WWOX: variants seen among roughly 807,000 people sequenced by gnomAD.
The protein encoded by WWOX is WW domain-containing oxidoreductase.
In WWOX, 69 loss-of-function variants were observed where a neutral mutation model predicts 46.2. That is an observed-to-expected ratio of 1.49 (90% confidence interval 1.23 to 1.82). The LOEUF is 1.82. WWOX is among the 40% of genes most tolerant of loss of function. The pLI is 0.00. For synonymous variants in WWOX, 359 were observed against 202.6 expected (o/e 1.77, Z -6.56); for missense variants, 919 against 542.6 (o/e 1.69, Z -6.89).
intron 8 of WWOX, among the ~76,000 whole-genome samples, chr16:78,795,765 A>C (rs1259654733): frequency 2.0e-5 from 3 of 152,146 alleles, no homozygotes; most frequent in Non-Finnish European, 2.9e-5. Context: ...AAATGGGGAC[A>C]ATACTGACAT....
At chr16:78,342,026 G>C (rs34396583) in intron 5 of WWOX, among the ~76,000 whole-genome samples, 26,840 of 119,680 alleles carry the variant, frequency 0.22, 8,553 homozygotes, top group African/African-American at 0.37. Context: ...TGAGGCAGCA[G>C]AATGGCTTGA....
At chr16:78,256,845 A>G (rs975888084) in intron 5 of WWOX, among the ~76,000 whole-genome samples, 2 of 152,032 alleles carry the variant, frequency 1.3e-5, no homozygotes, top group Non-Finnish European at 2.9e-5. Flanking sequence ...AGAAGTCTCT[A>G]TCATTTCGTA....
intron 8 of WWOX, among the ~76,000 whole-genome samples, chr16:78,865,194 A>G (rs542205208): frequency 6.6e-6 from 1 of 152,304 alleles, no homozygotes; most frequent in South Asian, 2.1e-4. Context: ...TGCGATGGAT[A>G]TGTTTAAGAG....
intron 4 of WWOX, among the ~76,000 whole-genome samples, chr16:78,149,328 A>G (rs1206316574): frequency 1.3e-5 from 2 of 152,220 alleles, no homozygotes; most frequent in South Asian, 2.1e-4. Flanking sequence ...ATTGTAAACT[A>G]TTGATGTTGG....
intron 8 of WWOX, among the ~76,000 whole-genome samples, chr16:79,014,739 A>G (rs1433432489): frequency 2.6e-5 from 4 of 152,218 alleles, no homozygotes; most frequent in African/African-American, 9.6e-5. Flanking sequence ...TCTGGAGTGT[A>G]CACAACTAGT....
At chr16:78,658,582 G>C (rs1293644112) in intron 8 of WWOX, among the ~76,000 whole-genome samples, 1 of 152,178 alleles carries the variant, frequency 6.6e-6, no homozygotes, top group Non-Finnish European at 1.5e-5. Context: ...CTCTCCTCCA[G>C]CCTCTGGTGG....
intron 7 of WWOX, among the ~76,000 whole-genome samples, chr16:78,427,714 G>A (rs1047531026): frequency 6.6e-6 from 1 of 152,102 alleles, no homozygotes; most frequent in Non-Finnish European, 1.5e-5. Context: ...GGAGTTTGAG[G>A]TTGCGGTAAG....
Position 78,512,464 on chromosome 16 carries a change from A to G in WWOX, c.1056+79712A>G, listed in dbSNP as rs146126491. ...TTGAGTAGAATTAAACGTGTTCACC[A>G]AAACCCATTTTATCACTTTAAATTA... On this transcript the variant is annotated intron_variant, in intron 8 of 8. Coordinates refer to ENST00000566780, the MANE Select transcript of WWOX (RefSeq NM_016373.4). Among the ~76,000 whole-genome samples the G allele has an allele frequency of 6.3e-3, 965 of 152,340 alleles. 39 individuals are homozygous for G. The highest frequency in any genetic ancestry group is 0.042 in the Admixed American group (650 of 15,308).
At chr16:78,908,047 C>T (rs575548611) in intron 8 of WWOX, among the ~76,000 whole-genome samples, 1 of 152,126 alleles carries the variant, frequency 6.6e-6, no homozygotes, top group Non-Finnish European at 1.5e-5. Flanking sequence ...GGCATACTAA[C>T]CGTATGAAAG....
intron 8 of WWOX, among the ~76,000 whole-genome samples, chr16:78,885,168 C>CA (rs1555558889): frequency 1.4e-5 from 2 of 146,510 alleles, no homozygotes; most frequent in Admixed American, 1.4e-4. Context: ...CTCATGGTTG[C>CA]GGGGGACTAC....
At chr16:78,149,067 C>A (rs1242958765) in intron 4 of WWOX, among the ~76,000 whole-genome samples, 1 of 152,074 alleles carries the variant, frequency 6.6e-6, no homozygotes, top group Non-Finnish European at 1.5e-5. Flanking sequence ...TCGTAGCTCA[C>A]TGTAACCTCG....
intron 8 of WWOX, among the ~76,000 whole-genome samples, chr16:78,961,503 G>A (rs1462645522): frequency 6.6e-6 from 1 of 151,950 alleles, no homozygotes; most frequent in African/African-American, 2.4e-5. Flanking sequence ...ATGGATGCGT[G>A]GGTGTGTGGA....
chr16:78,175,934 C>G lies in WWOX; in HGVS notation c.516+11645C>G, dbSNP rs147356820. Among the ~76,000 whole-genome samples, 122 of 152,228 alleles carry G rather than the reference C, an allele frequency of 8.0e-4. 2 individuals are homozygous for G. The highest frequency in any genetic ancestry group is 2.8e-3 in the African/African-American group (116 of 41,524). The stretch of plus-strand genomic sequence containing the variant: ...GGAAGCTCCACTGTGTGCAAGGAAT[C>G]CTAAGTTCCCGGGGTTGCATCCATC... On this transcript the variant is annotated intron_variant, in intron 5 of 8. Coordinates refer to ENST00000566780, the MANE Select transcript of WWOX (RefSeq NM_016373.4).
chr16:78,956,086 G>A (rs1406765079), intron 8 of WWOX, among the ~76,000 whole-genome samples: 1 of 151,858 alleles, frequency 6.6e-6, no homozygotes, highest in Non-Finnish European at 1.5e-5. Flanking sequence ...GTATACCTCC[G>A]GCAGAGCCCT....
At chr16:78,599,932 T>A (rs2045581183) in intron 8 of WWOX, among the ~76,000 whole-genome samples, 1 of 152,128 alleles carries the variant, frequency 6.6e-6, no homozygotes, top group Non-Finnish European at 1.5e-5. Flanking sequence ...TTAGTCTGTT[T>A]CCTTGCTGTT....
intron 5 of WWOX, among the ~76,000 whole-genome samples, chr16:78,211,465 G>C (rs1315322497): frequency 6.6e-6 from 1 of 152,258 alleles, no homozygotes; most frequent in East Asian, 1.9e-4. Flanking sequence ...GAGTGTATGA[G>C]TGCAAGAGAG....
At position 79,211,748 on chromosome 16, in the gene WWOX, G is replaced by C; in HGVS notation, c.1197G>C (p.Ala399=). ...QSEETARTLW[A]LSERLIQERL... is the part of the protein sequence containing the mutation. ...AAGAGACGGCCCGGACCCTGTGGGC[G>C]CTCAGCGAGAGGCTGATCCAAGAAC... Residue 399 remains alanine, a synonymous_variant, in exon 9 of 9, where the codon GCG becomes GCC. Transcript: ENST00000566780. The C allele has an allele frequency of 1.9e-6, 3 of 1,614,202 alleles. No homozygotes were observed. The highest frequency in any genetic ancestry group is 2.5e-6 in the Non-Finnish European group (3 of 1,180,040).
chr16:79,118,593 TA>T (rs1229994625), intron 8 of WWOX, among the ~76,000 whole-genome samples: 1 of 152,120 alleles, frequency 6.6e-6, no homozygotes, highest in African/African-American at 2.4e-5. Context: ...GGAAATGCAA[TA>T]AAATGAGGTA....
At chr16:79,005,949 T>G (rs2047181817) in intron 8 of WWOX, among the ~76,000 whole-genome samples, 1 of 152,164 alleles carries the variant, frequency 6.6e-6, no homozygotes, top group African/African-American at 2.4e-5. Context: ...CATACTCTGG[T>G]TACCCACTGG....
Sources: allele counts gnomAD v4.1 joint callset (sites outside exome capture counted in the v4.1 genomes callset), GRCh38; gene constraint gnomAD v4.1.1; transcripts MANE v1.5; gene names NCBI Gene and HGNC (gene_info 2026-07-23, HGNC 2026-07-21).